The following ALOX5 variants were observed in gnomAD, a reference collection of about 807,000 sequenced individuals.
ALOX5 encodes the protein polyunsaturated fatty acid 5-lipoxygenase.
ALOX5 carries 64 observed loss-of-function variants against 87.9 expected under a neutral mutation model. The observed-to-expected ratio is 0.73, with a 90% CI of 0.60 to 0.90. ALOX5 has a LOEUF of 0.90. Ranked by LOEUF, ALOX5 falls within the 40% of genes least tolerant of loss-of-function variation. ALOX5 has a pLI of 0.00. For missense variants in ALOX5, 822 were observed against 907.5 expected (o/e 0.91, Z 1.21); for synonymous variants, 388 against 355.1 (o/e 1.09, Z -1.04).
rs532842945 is a variant in ALOX5 at position 45,441,240 on chromosome 10, G to T, written c.1186-104G>T. 52 of 967,562 alleles carry T rather than the reference G, an allele frequency of 5.4e-5. No homozygotes were observed. In the South Asian group the frequency reaches 6.8e-4, roughly 13 times the overall value. 59.9% of individuals were successfully genotyped at this position (967,562 alleles called of 1,614,324 possible). A position where few individuals can be genotyped will look rare whatever the true frequency, so the allele number is the denominator to read the frequency against. On this transcript the variant is annotated intron_variant, in intron 8 of 13. Transcript: ENST00000374391. ...AGCCTTCACTTCCTCCCTGCGCCCA[G>T]CATCATCCTATAGGGCAGGCCTGGG...
At position 45,425,041 on chromosome 10, in the gene ALOX5, G is replaced by A. The variant is rs772112470; in HGVS notation, c.743G>A (p.Arg248His). 10 of 1,613,536 alleles carry A rather than the reference G, an allele frequency of 6.2e-6. No homozygotes were observed. Among genetic ancestry groups the A allele is most frequent in the African/African-American group, 2.7e-5 (2 of 74,778 alleles). The stretch of plus-strand genomic sequence containing the variant: ...GGCTGCAACCCTGTGTTGATCCGGC[G>A]CTGCACAGAGCTGCCCGAGAAGCTC... ...LNGCNPVLIR[R>H]CTELPEKLPV... is the part of the protein sequence containing the mutation. Residue 248 changes from arginine (R) to histidine (H), a missense_variant, in exon 6 of 14, where the codon CGC becomes CAC. By Grantham distance (29) the Arg-to-His change is conservative. Transcript: ENST00000374391. This position sits in a 1 kb window ranked among gnomAD's most constrained non-coding sequence, Gnocchi z 4.4.
At chr10:45,378,615 C>G (rs1839713997) in intron 1 of ALOX5, among the ~76,000 whole-genome samples, 2 of 152,174 alleles carry the variant, frequency 1.3e-5, no homozygotes, top group African/African-American at 4.8e-5. Flanking sequence ...GTTCCACAAA[C>G]CTTCCGAAGA....
intron 3 of ALOX5, among the ~76,000 whole-genome samples, chr10:45,404,184 C>T (rs1359897795): frequency 1.3e-5 from 2 of 152,208 alleles, no homozygotes; most frequent in Admixed American, 1.3e-4. Flanking sequence ...CCTCCTTCCA[C>T]TCATCTGTCC....
chr10:45,401,811 T>A (rs1158629036), intron 3 of ALOX5, among the ~76,000 whole-genome samples: 1 of 152,192 alleles, frequency 6.6e-6, no homozygotes, highest in Middle Eastern at 3.2e-3. Flanking sequence ...TAGTATACAT[T>A]GACAAATTTC....
chr10:45,442,959 C>T (rs1291215148), intron 9 of ALOX5, 79 bp from the exon 10 acceptor site: 3 of 1,487,828 alleles, frequency 2.0e-6, no homozygotes, highest in Non-Finnish European at 2.7e-6. Flanking sequence ...CTCGCCTCCC[C>T]TGGCACATTT....
At chr10:45,377,825 G>T (rs1166348509) in intron 1 of ALOX5, among the ~76,000 whole-genome samples, 3 of 152,224 alleles carry the variant, frequency 2.0e-5, no homozygotes, top group Non-Finnish European at 2.9e-5. Flanking sequence ...CTAAAATGCT[G>T]ATAGAAAGCT....
At chr10:45,375,580 G>T (rs749730660) in intron 1 of ALOX5, among the ~76,000 whole-genome samples, 2 of 152,210 alleles carry the variant, frequency 1.3e-5, no homozygotes, top group East Asian at 1.9e-4. Context: ...AATACAACCG[G>T]CAAGTTCATG....
chr10:45,376,361 C>G (rs1839614523), intron 1 of ALOX5, among the ~76,000 whole-genome samples: 1 of 151,430 alleles, frequency 6.6e-6, no homozygotes, highest in Non-Finnish European at 1.5e-5. Context: ...TGGGGGCTAC[C>G]GCAGGGTGGG....
At chr10:45,411,513 A>G (rs1398898715) in intron 3 of ALOX5, among the ~76,000 whole-genome samples, 1 of 152,244 alleles carries the variant, frequency 6.6e-6, no homozygotes, top group African/African-American at 2.4e-5. Context: ...ATGCCACGGG[A>G]TACGTTTCAA....
At position 45,433,833 on chromosome 10, in the gene ALOX5, A is replaced by C. The variant is rs1841984341; in HGVS notation, c.981+5069A>C. Among the ~76,000 whole-genome samples the C allele has an allele frequency of 2.6e-5, 4 of 152,218 alleles. No homozygotes were observed. In the South Asian group the frequency reaches 6.2e-4, roughly 24 times the overall value. ...GCCCCCCAGGAAGAAATTTAGAACAAAGAGCCTGCTCAGAGTTCAGTCCTC... is the reference window on the plus strand; with the variant it reads ...GCCCCCCAGGAAGAAATTTAGAACACAGAGCCTGCTCAGAGTTCAGTCCTC... On this transcript the variant is annotated intron_variant, in intron 7 of 13. Transcript: ENST00000374391.
chr10:45,409,906 ATCT>A (rs1273539859), intron 3 of ALOX5, among the ~76,000 whole-genome samples: 1 of 152,268 alleles, frequency 6.6e-6, no homozygotes, highest in African/African-American at 2.4e-5. Context: ...TGAGGCCATC[ATCT>A]TCTAACCACA....
At chr10:45,384,703 T>A (rs1301086670) in intron 2 of ALOX5, among the ~76,000 whole-genome samples, 1 of 152,160 alleles carries the variant, frequency 6.6e-6, no homozygotes, top group African/African-American at 2.4e-5. Context: ...GCCTGGAAAC[T>A]GGCACACTGT....
intron 8 of ALOX5, 97 bp downstream of exon 8, chr10:45,440,730 G>C: frequency 7.4e-7 from 1 of 1,358,090 alleles, no homozygotes; most frequent in Non-Finnish European, 1.0e-6. Context: ...GTGGCTGGGA[G>C]TGGGTGGCAG....
intron 2 of ALOX5, among the ~76,000 whole-genome samples, chr10:45,386,216 G>A (rs1840002734): frequency 6.6e-6 from 1 of 152,022 alleles, no homozygotes; most frequent in South Asian, 2.1e-4. Flanking sequence ...CAGGAGAATG[G>A]CGTGAACCTG....
intron 3 of ALOX5, among the ~76,000 whole-genome samples, chr10:45,401,505 G>C (rs568936223): frequency 6.6e-6 from 1 of 152,062 alleles, no homozygotes; most frequent in African/African-American, 2.4e-5. Context: ...TTGGGATTGT[G>C]CTATATATAC....
intron 7 of ALOX5, among the ~76,000 whole-genome samples, chr10:45,437,703 T>C (rs565687029): frequency 6.6e-6 from 1 of 152,358 alleles, no homozygotes; most frequent in East Asian, 1.9e-4. Context: ...CCTCTTTTCC[T>C]TTGTCTTTCC....
rs41426046 is a variant in ALOX5, at chr10:45,441,277, C to T, written c.1186-67C>T. The T allele has an allele frequency of 3.5e-3, 4,926 of 1,426,332 alleles. 118 individuals are homozygous for T. The East Asian group carries it at 0.043, about 12-fold the overall frequency. The allele number at this position is 1,426,332 out of a possible 1,614,324, so 88.4% of individuals were successfully genotyped here. A position where few individuals can be genotyped will look rare whatever the true frequency, so the allele number is the denominator to read the frequency against. ...AGGGCAGGCCTGGGTGGGGGAGCTG[C>T]GGGTCCCTGAGGCACCAGGTCACCT... On this transcript the variant is annotated intron_variant, in intron 8 of 13. Transcript: ENST00000374391.
At chr10:45,420,597 A>C (rs915436184) in intron 4 of ALOX5, among the ~76,000 whole-genome samples, 1 of 152,246 alleles carries the variant, frequency 6.6e-6, no homozygotes, top group Non-Finnish European at 1.5e-5. Context: ...ACTTGGCTGA[A>C]GTCACCGAGG....
Position 45,440,617 on chromosome 10 carries a change from TG to T in ALOX5, c.1170del (p.His391ThrfsTer11), listed in dbSNP as rs755310822. 6.2e-7 allele frequency: 1 copy of T among 1,614,130 alleles called. No individual in the cohort carries two copies. Among genetic ancestry groups the T allele is most frequent in the Admixed American group, 1.7e-5 (1 of 60,024 alleles). ...GIAMYRQLPA[V>X]HPIFKLLVAH... ...GCAATGTACCGCCAGCTGCCTGCTGTGCACCCCATTTTCAAGGTACAGCCAG... is the reference window on the plus strand; with the variant it reads ...GCAATGTACCGCCAGCTGCCTGCTGTCACCCCATTTTCAAGGTACAGCCAG... On this transcript the variant is annotated frameshift_variant, in exon 8 of 14. Coordinates refer to ENST00000374391, the MANE Select transcript of ALOX5 (RefSeq NM_000698.5). LOFTEE classifies it high-confidence loss of function.
Sources: allele counts gnomAD v4.1 joint callset (sites outside exome capture counted in the v4.1 genomes callset), GRCh38; gene constraint gnomAD v4.1.1; non-coding constraint Gnocchi (gnomAD v3.1); transcripts MANE v1.5; gene names NCBI Gene and HGNC (gene_info 2026-07-23, HGNC 2026-07-21).